Variants in CYP4Z1 observed in about 807,000 individuals in gnomAD.
CYP4Z1 encodes the protein cytochrome P450 4Z1.
Under a neutral mutation model 54.2 loss-of-function variants are expected in CYP4Z1, and 41 were observed. That is an observed-to-expected ratio of 0.76 (90% CI 0.59 to 0.98). CYP4Z1 has a LOEUF of 0.98. Ranked by LOEUF, CYP4Z1 falls within the 50% of genes least tolerant of loss-of-function variation. The probability of loss-of-function intolerance (pLI) is 0.00; values close to 1 mark genes in which losing one functional copy is unlikely to be tolerated. For synonymous variants in CYP4Z1, 163 were observed against 206.2 expected (o/e 0.79, Z 1.79); for missense variants, 513 against 599.0 (o/e 0.86, Z 1.50).
upstream of CYP4Z1, among the ~76,000 whole-genome samples, chr1:47,065,434 T>C (rs1021940007): frequency 6.6e-6 from 1 of 152,128 alleles, no homozygotes; most frequent in East Asian, 1.9e-4. Context: ...TGAATAATTT[T>C]GGGGTCAACA....
chr1:47,086,773 C>T (rs186988883), intron 6 of CYP4Z1, among the ~76,000 whole-genome samples: 1 of 152,152 alleles, frequency 6.6e-6, no homozygotes, highest in Admixed American at 6.5e-5. Flanking sequence ...TTGCCCATGC[C>T]TATGTCCTGA....
upstream of CYP4Z1, among the ~76,000 whole-genome samples, chr1:47,065,462 A>G (rs1644444471): frequency 6.6e-6 from 1 of 152,170 alleles, no homozygotes. Context: ...CAAGATGGAA[A>G]TTTAAAAATT....
chr1:47,068,593 C>A, intron 1 of CYP4Z1, 29 bp from the exon 2 acceptor site: 10 of 1,611,464 alleles, frequency 6.2e-6, no homozygotes, highest in Non-Finnish European at 8.5e-6. Context: ...ACAACCTTTA[C>A]TAACCAGTCA....
At position 47,106,917 on chromosome 1, in the gene CYP4Z1, C is replaced by T. The variant is rs1644761270; in HGVS notation, c.1201+656C>T. ...AACATTAGAGACATAAAGGAATGAG[C>T]CAGAATTTATCTTTGACCTATGTCG... On this transcript the variant is annotated intron_variant, in intron 9 of 11. Coordinates refer to ENST00000334194, the MANE Select transcript of CYP4Z1 (RefSeq NM_178134.3). Among the ~76,000 whole-genome samples, 4 of 152,300 alleles carry T rather than the reference C, an allele frequency of 2.6e-5. No individual in the cohort carries two copies. In the South Asian group the frequency reaches 8.3e-4, roughly 32 times the overall value.
intron 8 of CYP4Z1, among the ~76,000 whole-genome samples, 171 bp downstream of exon 8, chr1:47,099,455 T>C (rs1379686328): frequency 1.3e-5 from 2 of 152,282 alleles, no homozygotes; most frequent in African/African-American, 2.4e-5. Flanking sequence ...AGTTTTTATA[T>C]AGAAAAACAC....
chr1:47,062,949 A>G (rs1176608636), upstream of CYP4Z1, among the ~76,000 whole-genome samples: 1 of 152,204 alleles, frequency 6.6e-6, no homozygotes, highest in African/African-American at 2.4e-5. Context: ...CAGTGCACTA[A>G]CAAAAACAAA....
At position 47,067,528 on chromosome 1, in the gene CYP4Z1, C is replaced by G. The variant is rs754400619; in HGVS notation, c.38C>G (p.Pro13Arg). The G allele has an allele frequency of 3.2e-5, 52 of 1,612,814 alleles. No individual in the cohort carries two copies. The highest frequency in any genetic ancestry group is 4.2e-5 in the Non-Finnish European group (49 of 1,179,390). Residue 13 changes from proline (P) to arginine (R), a missense_variant, in exon 1 of 12, where the codon CCC becomes CGC. Physicochemically the swap from Pro to Arg is moderately radical, Grantham distance 103 (BLOSUM62 -2). Transcript: ENST00000334194. ...PSWLQELMAHPFLLLILLCMS... is the reference protein window; with the variant it reads ...PSWLQELMAHRFLLLILLCMS... ...TGGCTTCAGGAACTCATGGCTCACC[C>G]CTTCTTGCTGCTGATCCTCCTCTGC... is the stretch of plus-strand genomic sequence containing the variant.
At chr1:47,078,018 T>G (rs1345760912) in intron 2 of CYP4Z1, among the ~76,000 whole-genome samples, 1 of 152,198 alleles carries the variant, frequency 6.6e-6, no homozygotes, top group African/African-American at 2.4e-5. Context: ...TATGTTACTC[T>G]TCTCATTTCC....
intron 1 of CYP4Z1, among the ~76,000 whole-genome samples, chr1:47,068,141 G>A (rs993703060): frequency 6.6e-6 from 1 of 152,226 alleles, no homozygotes; most frequent in Non-Finnish European, 1.5e-5. Context: ...AGACTTCGCT[G>A]CTTTGGAGGC....
intron 7 of CYP4Z1, among the ~76,000 whole-genome samples, chr1:47,098,130 A>G (rs910532219): frequency 1.3e-5 from 2 of 152,164 alleles, no homozygotes; most frequent in Non-Finnish European, 2.9e-5. Flanking sequence ...TATGAATTTT[A>G]AAAGTTTTTT....
intron 2 of CYP4Z1, among the ~76,000 whole-genome samples, chr1:47,069,159 A>G (rs1644474128): frequency 6.6e-6 from 1 of 152,234 alleles, no homozygotes; most frequent in African/African-American, 2.4e-5. Flanking sequence ...TGCTTTGCCC[A>G]CTAATGTTGC....
At chr1:47,055,913 A>G in the CYP4Z1 span, among the ~76,000 whole-genome samples, 1 of 151,816 alleles carries the variant, frequency 6.6e-6, no homozygotes, top group African/African-American at 2.4e-5. Flanking sequence ...TTATGTCTCT[A>G]TTTCCTTCAG....
At chr1:47,104,318 A>G (rs541812192) in intron 8 of CYP4Z1, among the ~76,000 whole-genome samples, 1 of 152,332 alleles carries the variant, frequency 6.6e-6, no homozygotes, top group African/African-American at 2.4e-5. Flanking sequence ...TACATGGGCC[A>G]GTCTTCGGGT....
At chr1:47,106,339 CAG>C in intron 9 of CYP4Z1, 78 bp downstream of exon 9, 1 of 1,489,880 alleles carries the variant, frequency 6.7e-7, no homozygotes, top group Middle Eastern at 1.8e-4. Flanking sequence ...ATGTCTTTAA[CAG>C]TTATTTATCC....
chr1:47,099,073 G>GATC (rs754624407), intron 7 of CYP4Z1, 21 bp from the exon 8 acceptor site: 3 of 1,613,640 alleles, frequency 1.9e-6, no homozygotes, highest in Non-Finnish European at 2.5e-6. Flanking sequence ...TTTGGATAAA[G>GATC]ATCATCACTG....
intron 9 of CYP4Z1, among the ~76,000 whole-genome samples, chr1:47,109,891 T>G (rs1299206892): frequency 1.3e-5 from 2 of 150,236 alleles, no homozygotes; most frequent in African/African-American, 4.9e-5. Context: ...AAAAAAAAGA[T>G]GACAAACCAC....
chr1:47,105,299 G>A (rs1348740256), intron 8 of CYP4Z1, among the ~76,000 whole-genome samples: 5 of 152,100 alleles, frequency 3.3e-5, no homozygotes, highest in Non-Finnish European at 1.5e-5. Flanking sequence ...GATGGAGGCT[G>A]AGCTCTCCAG....
intron 2 of CYP4Z1, among the ~76,000 whole-genome samples, chr1:47,072,914 A>G (rs1422707170): frequency 1.3e-5 from 2 of 152,056 alleles, no homozygotes; most frequent in East Asian, 1.9e-4. Flanking sequence ...AGAAATAGGC[A>G]TTGTCTTTTA....
chr1:47,070,055 ACTT>A (rs1321994413), intron 2 of CYP4Z1, among the ~76,000 whole-genome samples: 1 of 115,460 alleles, frequency 8.7e-6, no homozygotes, highest in African/African-American at 3.7e-5. Context: ...ACACATTAGT[ACTT>A]CTTTTTGAGT....
Sources: gnomAD v4.1 joint callset for allele counts (sites outside exome capture counted in the v4.1 genomes callset) on GRCh38, gnomAD v4.1.1 for gene constraint, MANE v1.5 for transcripts, NCBI Gene and HGNC (gene_info 2026-07-23, HGNC 2026-07-21) for gene names.